NFKB1: variants seen among roughly 807,000 people sequenced by gnomAD.
NFKB1 encodes nuclear factor kappa B subunit 1, also known as nuclear factor NF-kappa-B p105 subunit.
A neutral mutation model predicts 105.1 loss-of-function variants in NFKB1; 9 were observed. The observed-to-expected ratio is 0.09, with a 90% CI of 0.05 to 0.15. NFKB1 has a LOEUF of 0.15. Ranked by LOEUF, NFKB1 falls within the 10% of genes least tolerant of loss-of-function variation. NFKB1 has a pLI of 1.00. For synonymous variants in NFKB1, 440 were observed against 442.2 expected (o/e 1.00, Z 0.06); for missense variants, 830 against 1,203.7 (o/e 0.69, Z 4.59).
Position 102,501,609 on chromosome 4 carries a change from T to A in NFKB1, c.-187T>A, listed in dbSNP as rs1322377479. The A allele has an allele frequency of 4.7e-5, 7 of 147,558 alleles. No homozygotes were observed. The allele number at this position is 147,558 out of a possible 1,614,324, so 9.1% of individuals were successfully genotyped here. A position where few individuals can be genotyped will look rare whatever the true frequency, so the allele number is the denominator to read the frequency against. On this transcript the variant is annotated 5_prime_UTR_variant, in exon 1 of 24. The change abolishes an upstream ATG in the 5' untranslated region. Coordinates refer to ENST00000226574, the MANE Select transcript of NFKB1 (RefSeq NM_003998.4). ...CTTCCCTCCGCCCGCGCTGCGGCCA[T>A]GGCGCGGCGCTGACTGGCCTGGCCC... is the stretch of plus-strand genomic sequence containing the variant.
chr4:102,601,331 AAAAT>A lies in NFKB1; in HGVS notation c.1752+326_1752+329del, dbSNP rs1727123789. ...AGTAAAAATGTCACATCTGTCAAGA[AAAAT>A]AAAGTTAAAAAAAGTTTGAAAAGCC... On this transcript the variant is annotated intron_variant, in intron 16 of 23. Coordinates refer to ENST00000226574, the MANE Select transcript of NFKB1 (RefSeq NM_003998.4). 3.0e-5 allele frequency among the ~76,000 whole-genome samples: 4 copies of A among 135,106 alleles called. No individual in the cohort carries two copies. In the South Asian group the frequency reaches 9.2e-4, roughly 31 times the overall value. The allele number at this position is 135,106 out of a possible 152,430, so 88.6% of individuals were successfully genotyped here.
At position 102,613,619 on chromosome 4, in the gene NFKB1, A is replaced by G. The variant is rs4648120; in HGVS notation, c.2749+38A>G. The stretch of plus-strand genomic sequence containing the variant: ...ACAAAAGACAGTGGAGATATTTTCC[A>G]GCTCCCCCAGGCTGGTGTCTTCAGC... On this transcript the variant is annotated intron_variant, in intron 23 of 23. Coordinates refer to ENST00000226574, the MANE Select transcript of NFKB1 (RefSeq NM_003998.4). The G allele has an allele frequency of 3.9e-4, 618 of 1,593,912 alleles. 1 individual carries two copies. The African/African-American group carries it at 7.5e-3, about 19-fold the overall frequency.
chr4:102,564,609 G>T (rs1350925027), intron 5 of NFKB1, among the ~76,000 whole-genome samples: 6 of 152,114 alleles, frequency 3.9e-5, no homozygotes, highest in Non-Finnish European at 7.4e-5. Flanking sequence ...CCTCATTCTT[G>T]CCACCCTTCA....
intron 1 of NFKB1, chr4:102,510,867 T>C: frequency 1.7e-6 from 2 of 1,175,048 alleles, no homozygotes; most frequent in Non-Finnish European, 2.2e-6. Flanking sequence ...AATCCTCCTC[T>C]GTTCCTTCCT....
chr4:102,606,808 T>C, intron 17 of NFKB1, 111 bp downstream of exon 17: 1 of 1,134,922 alleles, frequency 8.8e-7, no homozygotes, highest in Non-Finnish European at 1.3e-6. Flanking sequence ...CTTTCCTTAG[T>C]CACCTGGAGT....
intron 1 of NFKB1, among the ~76,000 whole-genome samples, chr4:102,505,399 TAACA>T (rs888737937): frequency 1.3e-5 from 2 of 152,244 alleles, no homozygotes; most frequent in Non-Finnish European, 2.9e-5. Flanking sequence ...TTTTCTGTAG[TAACA>T]AACAGAATTA....
At chr4:102,599,711 C>T (rs538513234) in intron 15 of NFKB1, among the ~76,000 whole-genome samples, 5 of 152,128 alleles carry the variant, frequency 3.3e-5, no homozygotes, top group Admixed American at 6.5e-5. Flanking sequence ...AGTTATATGA[C>T]GCCTGCAAGT....
At chr4:102,566,242 A>G (rs1043891575) in intron 5 of NFKB1, among the ~76,000 whole-genome samples, 20 of 152,218 alleles carry the variant, frequency 1.3e-4, no homozygotes, top group Non-Finnish European at 8.8e-5. Context: ...AGACATACCA[A>G]TAAGAAATAA....
intron 20 of NFKB1, 150 bp downstream of exon 20, chr4:102,610,849 T>G: frequency 9.7e-7 from 1 of 1,028,850 alleles, no homozygotes; most frequent in Non-Finnish European, 1.4e-6. Context: ...CATTTTTATC[T>G]TGAAAAACCC....
At chr4:102,524,928 GCT>G (rs1224156537) in intron 1 of NFKB1, among the ~76,000 whole-genome samples, 1 of 152,184 alleles carries the variant, frequency 6.6e-6, no homozygotes, top group Non-Finnish European at 1.5e-5. Flanking sequence ...CTTGCCTACT[GCT>G]CACCTCTTTT....
In NFKB1 at chr4:102,574,477, T is replaced by C. The variant is rs140512797; in HGVS notation, c.408-2399T>C. Among the ~76,000 whole-genome samples, 198 of 151,876 alleles carry C rather than the reference T, an allele frequency of 1.3e-3. 2 individuals carry two copies. The highest frequency in any genetic ancestry group is 4.6e-3 in the African/African-American group (191 of 41,270). ...AAGACTCCAGTGATCTCTGAGTGTATCTCTGTTTGCGGTTTCTTCCTTTCC... is the reference window on the plus strand; with the variant it reads ...AAGACTCCAGTGATCTCTGAGTGTACCTCTGTTTGCGGTTTCTTCCTTTCC... On this transcript the variant is annotated intron_variant, in intron 6 of 23. Transcript: ENST00000226574.
intron 5 of NFKB1, among the ~76,000 whole-genome samples, chr4:102,547,160 G>A (rs1722201594): frequency 6.6e-6 from 1 of 152,180 alleles, no homozygotes; most frequent in South Asian, 2.1e-4. Context: ...ATTACCAATT[G>A]TTTGATATAT....
At chr4:102,547,906 T>C (rs1722261200) in intron 5 of NFKB1, among the ~76,000 whole-genome samples, 2 of 152,186 alleles carry the variant, frequency 1.3e-5, no homozygotes, top group Non-Finnish European at 2.9e-5. Context: ...TGATTTCTTA[T>C]GAAAATCTCA....
At chr4:102,611,834 A>G (rs568134018) in intron 20 of NFKB1, among the ~76,000 whole-genome samples, 12 of 152,186 alleles carry the variant, frequency 7.9e-5, no homozygotes, top group African/African-American at 2.2e-4. Flanking sequence ...GCAAAGCACT[A>G]TTTCCCAGTA....
intron 2 of NFKB1, 48 bp from the exon 3 acceptor site, chr4:102,529,788 A>T: frequency 7.2e-7 from 1 of 1,396,656 alleles, no homozygotes; most frequent in Non-Finnish European, 9.9e-7. Context: ...TTTTTCATAT[A>T]ATATAGGAAA....
chr4:102,537,816 A>C, intron 4 of NFKB1, 42 bp from the exon 5 acceptor site: 1 of 1,203,954 alleles, frequency 8.3e-7, no homozygotes, highest in African/African-American at 1.5e-5. Flanking sequence ...ATTTTTAATA[A>C]GTATTTCTCA....
chr4:102,601,886 C>T (rs928960945), intron 16 of NFKB1, among the ~76,000 whole-genome samples: 6 of 152,226 alleles, frequency 3.9e-5, no homozygotes, highest in African/African-American at 1.4e-4. Flanking sequence ...CTTTCCCCTA[C>T]TCCCACCAGT....
intron 1 of NFKB1, among the ~76,000 whole-genome samples, chr4:102,513,401 G>A (rs1374290215): frequency 6.6e-6 from 1 of 152,120 alleles, no homozygotes; most frequent in African/African-American, 2.4e-5. Flanking sequence ...TTTTACTTGA[G>A]TATGATATAA....
At chr4:102,610,810 AT>A in intron 20 of NFKB1, 111 bp downstream of exon 20, 2 of 1,309,730 alleles carry the variant, frequency 1.5e-6, no homozygotes, top group Non-Finnish European at 2.0e-6. Context: ...CATGCCTTTT[AT>A]TTTTAAGAAA....
Sources: gnomAD v4.1 joint callset for allele counts (sites outside exome capture counted in the v4.1 genomes callset) on GRCh38, gnomAD v4.1.1 for gene constraint, MANE v1.5 for transcripts, NCBI Gene and HGNC (gene_info 2026-07-23, HGNC 2026-07-21) for gene names.